Variants in MRPS14 observed in about 807,000 individuals in gnomAD.
MRPS14 encodes mitochondrial ribosomal protein S14.
MRPS14 carries 14 observed loss-of-function variants against 16.4 expected under a neutral mutation model. The ratio of observed to expected loss-of-function variants is 0.85; its 90% CI spans 0.56 to 1.33. The LOEUF is 1.33. Ranked by LOEUF, MRPS14 falls within the 40% of genes most tolerant of loss-of-function variation. The pLI is 0.00. For synonymous variants in MRPS14, 54 were observed against 61.9 expected (o/e 0.87, Z 0.60); for missense variants, 162 against 176.8 (o/e 0.92, Z 0.48).
intron 1 of MRPS14, among the ~76,000 whole-genome samples, chr1:175,020,062 G>T (rs189123112): frequency 1.2e-4 from 19 of 152,320 alleles, no homozygotes; most frequent in Non-Finnish European, 2.6e-4. Flanking sequence ...AGCAGGAATA[G>T]AATTTAAATA....
Position 175,014,622 on chromosome 1 carries a change from A to G in MRPS14, c.*47T>C. On this transcript the variant is annotated 3_prime_UTR_variant, in exon 3 of 3. Coordinates refer to ENST00000476371, the MANE Select transcript of MRPS14 (RefSeq NM_022100.3). The stretch of plus-strand genomic sequence containing the variant: ...TTAAAAAAAATCTTTGCTTGCTGGA[A>G]CTGCAAGCTTGGCTTCCCTGCAAGC... 6.5e-7 allele frequency: 1 copy of G among 1,550,310 alleles called. No homozygotes were observed. Among genetic ancestry groups the G allele is most frequent in the Non-Finnish European group, 8.7e-7 (1 of 1,149,556 alleles).
chr1:175,018,676 G>A (rs778585195), intron 1 of MRPS14, 100 bp from the exon 2 acceptor site: 63 of 1,129,552 alleles, frequency 5.6e-5, no homozygotes, highest in Non-Finnish European at 7.3e-5. Flanking sequence ...TTATCATTTA[G>A]TATTCTTTTA....
At chr1:175,018,000 T>C (rs2149414811) in intron 2 of MRPS14, among the ~76,000 whole-genome samples, 1 of 152,234 alleles carries the variant, frequency 6.6e-6, no homozygotes, top group Admixed American at 6.5e-5. Flanking sequence ...GGCATGTGCC[T>C]GTAATCCCAG....
intron 1 of MRPS14, among the ~76,000 whole-genome samples, chr1:175,022,180 G>GA (rs1391194548): frequency 1.3e-5 from 2 of 151,050 alleles, no homozygotes; most frequent in Non-Finnish European, 3.0e-5. Context: ...AATCTAGTAT[G>GA]AAAAAAAAGA....
chr1:175,018,080 A>G (rs1395039659), intron 2 of MRPS14, among the ~76,000 whole-genome samples: 1 of 151,800 alleles, frequency 6.6e-6, no homozygotes, highest in African/African-American at 2.4e-5. Context: ...GCCGAGACTG[A>G]GCCATTGCAC....
At chr1:175,016,065 C>T (rs928746840) in intron 2 of MRPS14, among the ~76,000 whole-genome samples, 5 of 151,968 alleles carry the variant, frequency 3.3e-5, no homozygotes, top group African/African-American at 4.8e-5. Context: ...GGTGTGGTGG[C>T]ACATGCCTGT....
At chr1:175,022,314 G>A (rs1672992109) in intron 1 of MRPS14, among the ~76,000 whole-genome samples, 1 of 151,920 alleles carries the variant, frequency 6.6e-6, no homozygotes, top group Non-Finnish European at 1.5e-5. Flanking sequence ...TTTTTTAAAT[G>A]TGGCTACTAG....
chr1:175,017,394 T>G (rs1328058261), intron 2 of MRPS14, among the ~76,000 whole-genome samples: 1 of 152,180 alleles, frequency 6.6e-6, no homozygotes, highest in Non-Finnish European at 1.5e-5. Context: ...TTAATGCCAC[T>G]TTAGTGTAAG....
intron 1 of MRPS14, among the ~76,000 whole-genome samples, chr1:175,022,242 G>A (rs897032679): frequency 1.3e-5 from 2 of 151,800 alleles, no homozygotes; most frequent in African/African-American, 4.8e-5. Context: ...TAAAACCACA[G>A]TATTTTGGAT....
intron 2 of MRPS14, 72 bp downstream of exon 2, chr1:175,018,346 A>C: frequency 1.5e-6 from 2 of 1,346,338 alleles, no homozygotes; most frequent in Non-Finnish European, 2.0e-6. Context: ...GTCACAACAA[A>C]CAGTATCAAA....
At position 175,014,871 on chromosome 1, in the gene MRPS14, T is replaced by C; in HGVS notation, c.205-20A>G. The C allele has an allele frequency of 6.2e-7, 1 of 1,610,968 alleles. No individual in the cohort carries two copies. The highest frequency in any genetic ancestry group is 8.5e-7 in the Non-Finnish European group (1 of 1,178,638). On this transcript the variant is annotated intron_variant, in intron 2 of 2. Coordinates refer to ENST00000476371, the MANE Select transcript of MRPS14 (RefSeq NM_022100.3). The stretch of plus-strand genomic sequence containing the variant: ...CACATCCTAAGGGAAATCACATTAT[T>C]ACACAGATCACATTACATTGTTGCA...
chr1:175,018,601 G>C (rs779322104), intron 1 of MRPS14, 25 bp from the exon 2 acceptor site: 3 of 1,564,574 alleles, frequency 1.9e-6, no homozygotes, highest in Non-Finnish European at 1.7e-6. Context: ...CAAGGGACAA[G>C]TGAAGGATAG....
intron 2 of MRPS14, among the ~76,000 whole-genome samples, chr1:175,015,248 C>G (rs1290447927): frequency 6.6e-6 from 1 of 152,102 alleles, no homozygotes; most frequent in East Asian, 1.9e-4. Context: ...AGCGCCTGGC[C>G]ACTGGCAGGT....
chr1:175,020,656 G>T (rs1672965255), intron 1 of MRPS14, among the ~76,000 whole-genome samples: 1 of 152,138 alleles, frequency 6.6e-6, no homozygotes, highest in Non-Finnish European at 1.5e-5. Flanking sequence ...TTACAGGCAT[G>T]TGCCACAACA....
rs181451752 is a variant in MRPS14, at chr1:175,014,322, T to G, written c.*347A>C. The stretch of plus-strand genomic sequence containing the variant: ...TCAATTAGTTGGATTATGTATAAGA[T>G]AGCATTTTATGAAATAATGCTCTTA... On this transcript the variant is annotated 3_prime_UTR_variant, in exon 3 of 3. Transcript: ENST00000476371. The G allele has an allele frequency of 2.0e-4, 79 of 387,070 alleles. No homozygotes were observed. The highest frequency in any genetic ancestry group is 1.4e-3 in the African/African-American group (66 of 48,444). The allele number at this position is 387,070 out of a possible 1,614,324, so 24.0% of individuals were successfully genotyped here.
At chr1:175,018,675 A>G in intron 1 of MRPS14, 99 bp from the exon 2 acceptor site, 1 of 1,140,794 alleles carries the variant, frequency 8.8e-7, no homozygotes, top group Non-Finnish European at 1.2e-6. Context: ...TTTATCATTT[A>G]GTATTCTTTT....
chr1:175,020,777 T>C (rs1323407978), intron 1 of MRPS14, among the ~76,000 whole-genome samples: 1 of 152,192 alleles, frequency 6.6e-6, no homozygotes, highest in African/African-American at 2.4e-5. Flanking sequence ...ATTGGCCTAT[T>C]ATATTATTTC....
chr1:175,013,525 G>C lies in MRPS14; in HGVS notation c.*1144C>G, dbSNP rs1672821609. On this transcript the variant is annotated 3_prime_UTR_variant, in exon 3 of 3. Transcript: ENST00000476371. ...CTACTAATACCACAATGTTAGTTCA[G>C]GCCTTCATCTTCCTCAACAACTAAG... 2 of 152,096 alleles carry C rather than the reference G, an allele frequency of 1.3e-5. No homozygotes were observed. The highest frequency in any genetic ancestry group is 2.9e-5 in the Non-Finnish European group (2 of 68,046). The allele number at this position is 152,096 out of a possible 1,614,324, so 9.4% of individuals were successfully genotyped here.
chr1:175,016,208 CA>C (rs903007703), intron 2 of MRPS14, among the ~76,000 whole-genome samples: 3 of 142,786 alleles, frequency 2.1e-5, no homozygotes, highest in South Asian at 2.2e-4. Context: ...AAAAAAAAAA[CA>C]AAAAAAAACC....
Sources: gnomAD v4.1 joint callset for allele counts (sites outside exome capture counted in the v4.1 genomes callset) on GRCh38, gnomAD v4.1.1 for gene constraint, MANE v1.5 for transcripts, NCBI Gene and HGNC (gene_info 2026-07-23, HGNC 2026-07-21) for gene names.